The following ZBTB20 variants were observed in gnomAD, a reference collection of about 807,000 sequenced individuals.
ZBTB20 encodes zinc finger and BTB domain containing 20.
Under a neutral mutation model 56.9 loss-of-function variants are expected in ZBTB20, and 9 were observed. The observed-to-expected ratio is 0.16, with a 90% CI of 0.10 to 0.28. The LOEUF (loss-of-function observed/expected upper bound fraction) is 0.28. ZBTB20 is among the 10% of genes least tolerant of loss of function. The pLI is 1.00. For missense variants in ZBTB20, 655 were observed against 1,003.0 expected, an observed-to-expected ratio of 0.65 and a Z score of 4.69; for synonymous variants, 417 against 420.7, an observed-to-expected ratio of 0.99 and a Z score of 0.11.
At chr3:114,642,160 C>A (rs2059594793) in intron 6 of ZBTB20, among the ~76,000 whole-genome samples, 1 of 151,926 alleles carries the variant, frequency 6.6e-6, no homozygotes, top group Non-Finnish European at 1.5e-5. Context: ...AGAGGAGTGG[C>A]TGACAAGAGA....
chr3:114,443,671 GA>G (rs1164009294), intron 7 of ZBTB20, among the ~76,000 whole-genome samples: 1 of 152,126 alleles, frequency 6.6e-6, no homozygotes, highest in African/African-American at 2.4e-5. Flanking sequence ...ATGACCTCGA[GA>G]AGTATATAAA....
intron 6 of ZBTB20, among the ~76,000 whole-genome samples, chr3:114,622,786 GC>G (rs1441036595): frequency 6.6e-6 from 1 of 152,178 alleles, no homozygotes. Context: ...CATTGCTAAA[GC>G]ATTTTAAACT....
chr3:114,353,711 A>G (rs1026923866), intron 10 of ZBTB20, among the ~76,000 whole-genome samples: 26 of 152,332 alleles, frequency 1.7e-4, no homozygotes, highest in African/African-American at 5.8e-4. Flanking sequence ...TTCGCCATAC[A>G]TACATACCAT....
chr3:114,475,676 A>G (rs2040667228), intron 7 of ZBTB20, among the ~76,000 whole-genome samples: 1 of 152,234 alleles, frequency 6.6e-6, no homozygotes, highest in Non-Finnish European at 1.5e-5. Flanking sequence ...AACTAAAGAT[A>G]TAGCAGTCAG....
At chr3:114,897,155 C>A (rs954002123) in intron 4 of ZBTB20, among the ~76,000 whole-genome samples, 4 of 152,120 alleles carry the variant, frequency 2.6e-5, no homozygotes, top group Non-Finnish European at 5.9e-5. Context: ...CCCAGTTTTA[C>A]AAATGAGTAA....
At chr3:115,103,352 C>T (rs972026640) in intron 1 of ZBTB20, among the ~76,000 whole-genome samples, 2 of 152,000 alleles carry the variant, frequency 1.3e-5, no homozygotes, top group Non-Finnish European at 2.9e-5. Flanking sequence ...CTAAATGATT[C>T]TAAAATTTAT....
chr3:114,723,203 C>G (rs2065037687), intron 5 of ZBTB20, among the ~76,000 whole-genome samples: 1 of 152,012 alleles, frequency 6.6e-6, no homozygotes, highest in Non-Finnish European at 1.5e-5. Flanking sequence ...AATATGCTGC[C>G]ATTTCCACTA....
At chr3:114,801,436 C>T (rs1181787826) in intron 4 of ZBTB20, among the ~76,000 whole-genome samples, 1 of 149,186 alleles carries the variant, frequency 6.7e-6, no homozygotes, top group Non-Finnish European at 1.5e-5. Context: ...AAATACGCCT[C>T]CATGTTAAGG....
chr3:114,770,857 C>A (rs761682445), intron 5 of ZBTB20, among the ~76,000 whole-genome samples: 1 of 152,114 alleles, frequency 6.6e-6, no homozygotes, highest in Non-Finnish European at 1.5e-5. Flanking sequence ...CAGTTGAGTA[C>A]CCCTAATCCA....
chr3:114,907,796 G>A (rs185392107), intron 3 of ZBTB20, among the ~76,000 whole-genome samples: 176 of 152,026 alleles, frequency 1.2e-3, no homozygotes, highest in African/African-American at 3.9e-3. Flanking sequence ...AAGTGGTGGT[G>A]ATTTAGGAGT....
Position 114,316,141 on chromosome 3 carries a change from G to A in ZBTB20, c.*22864C>T. ...GACGAGTTTAAAAATGTTTTTCATA[G>A]CCAGAAACTGAAATCAAATCAACAT... On this transcript the variant is annotated 3_prime_UTR_variant, in exon 12 of 12. Coordinates refer to ENST00000675478, the MANE Select transcript of ZBTB20 (RefSeq NM_001348800.3). 1 of 251,652 alleles carries A rather than the reference G, an allele frequency of 4.0e-6. No individual in the cohort carries two copies. Among genetic ancestry groups the A allele is most frequent in the South Asian group, 4.1e-5 (1 of 24,628 alleles). The allele number at this position is 251,652 out of a possible 1,614,324, so 15.6% of individuals were successfully genotyped here. A position where few individuals can be genotyped will look rare whatever the true frequency, so the allele number is the denominator to read the frequency against.
At chr3:114,745,191 G>T (rs2066935748) in intron 5 of ZBTB20, among the ~76,000 whole-genome samples, 1 of 152,158 alleles carries the variant, frequency 6.6e-6, no homozygotes, top group Non-Finnish European at 1.5e-5. Context: ...TTCGTTGTTT[G>T]TTGTTACTGT....
intron 5 of ZBTB20, among the ~76,000 whole-genome samples, chr3:114,697,210 G>A (rs1224004702): frequency 6.6e-6 from 1 of 151,580 alleles, no homozygotes; most frequent in East Asian, 1.9e-4. Context: ...TACATTTCAA[G>A]TGAAAACACA....
chr3:114,803,055 C>T (rs896339537), intron 4 of ZBTB20, among the ~76,000 whole-genome samples: 3 of 151,198 alleles, frequency 2.0e-5, no homozygotes, highest in Non-Finnish European at 4.4e-5. Context: ...GCCATTTCTC[C>T]TTCTCCTCTT....
Position 114,327,597 on chromosome 3 carries a change from G to A in ZBTB20, c.*11408C>T, listed in dbSNP as rs960015600. ...TCCTACTAGATGCATGCCTCATAAA[G>A]GCTTTCAAAACTGCTATTTATTTCA... On this transcript the variant is annotated 3_prime_UTR_variant, in exon 12 of 12. Transcript: ENST00000675478. 2 of 152,052 alleles carry A rather than the reference G, an allele frequency of 1.3e-5. No homozygotes were observed. The highest frequency in any genetic ancestry group is 2.9e-5 in the Non-Finnish European group (2 of 68,010). The allele number at this position is 152,052 out of a possible 1,614,324, so 9.4% of individuals were successfully genotyped here. A position where few individuals can be genotyped will look rare whatever the true frequency, so the allele number is the denominator to read the frequency against.
chr3:114,682,921 T>C (rs1560122192), intron 6 of ZBTB20, among the ~76,000 whole-genome samples: 1 of 152,188 alleles, frequency 6.6e-6, no homozygotes, highest in Non-Finnish European at 1.5e-5. Flanking sequence ...TAATGAAATA[T>C]TAGTAAACAT....
chr3:114,431,463 T>C (rs2090114629), intron 7 of ZBTB20, among the ~76,000 whole-genome samples: 1 of 152,162 alleles, frequency 6.6e-6, no homozygotes, highest in South Asian at 2.1e-4. Flanking sequence ...AAGAAAAAGG[T>C]GCATTCTAAG....
At chr3:114,597,147 A>G (rs188125663) in intron 6 of ZBTB20, among the ~76,000 whole-genome samples, 20 of 152,248 alleles carry the variant, frequency 1.3e-4, no homozygotes, top group African/African-American at 4.1e-4. Flanking sequence ...CATGAAATCT[A>G]TTTTATGCCA....
chr3:115,021,099 T>C (rs948181929), intron 2 of ZBTB20, among the ~76,000 whole-genome samples: 1 of 151,036 alleles, frequency 6.6e-6, no homozygotes, highest in Non-Finnish European at 1.5e-5. Flanking sequence ...ACAAGTTTCA[T>C]CTAGTCTAAT....
Sources: allele counts gnomAD v4.1 joint callset (sites outside exome capture counted in the v4.1 genomes callset), GRCh38; gene constraint gnomAD v4.1.1; transcripts MANE v1.5; gene names NCBI Gene and HGNC (gene_info 2026-07-23, HGNC 2026-07-21).